RIMS2: variants seen among roughly 807,000 people sequenced by gnomAD.
RIMS2 encodes regulating synaptic membrane exocytosis 2.
A neutral mutation model predicts 174.4 loss-of-function variants in RIMS2; 59 were observed. The observed-to-expected ratio is 0.34, with a 90% CI of 0.27 to 0.42. The LOEUF (loss-of-function observed/expected upper bound fraction) is 0.42. RIMS2 is among the 10% of genes least tolerant of loss of function. RIMS2 has a pLI of 1.00. For missense variants in RIMS2, 1,620 were observed against 1,666.3 expected (o/e 0.97, Z 0.48); for synonymous variants, 606 against 572.5 (o/e 1.06, Z -0.84).
intron 3 of RIMS2, among the ~76,000 whole-genome samples, chr8:103,809,785 T>G (rs1250871004): frequency 6.6e-6 from 1 of 152,106 alleles, no homozygotes. Context: ...TGAGTAGACT[T>G]AGAGGACTGT....
At chr8:103,972,128 T>C (rs949175036) in intron 15 of RIMS2, among the ~76,000 whole-genome samples, 3 of 152,154 alleles carry the variant, frequency 2.0e-5, no homozygotes, top group Admixed American at 6.5e-5. Context: ...ATTCTACTTA[T>C]TTTTTCTTTA....
chr8:103,707,551 A>G (rs1172395097), intron 2 of RIMS2, among the ~76,000 whole-genome samples: 1 of 152,174 alleles, frequency 6.6e-6, no homozygotes, highest in Admixed American at 6.5e-5. Context: ...GACTTGGGGA[A>G]GATAAGGTTC....
intron 2 of RIMS2, among the ~76,000 whole-genome samples, chr8:103,727,664 A>C (rs1446096759): frequency 3.3e-5 from 5 of 152,320 alleles, no homozygotes; most frequent in Non-Finnish European, 7.3e-5. Context: ...ATGGATATGC[A>C]GTTTCCCCAT....
intron 14 of RIMS2, among the ~76,000 whole-genome samples, chr8:103,944,879 G>A (rs1377632598): frequency 6.6e-6 from 1 of 151,720 alleles, no homozygotes; most frequent in African/African-American, 2.4e-5. Context: ...ACAAGAACTA[G>A]GAAATAACAT....
intron 19 of RIMS2, among the ~76,000 whole-genome samples, chr8:104,107,287 G>A (rs1386362333): frequency 6.6e-6 from 1 of 151,968 alleles, no homozygotes; most frequent in Non-Finnish European, 1.5e-5. Flanking sequence ...CTTCCATGAC[G>A]TACCTTCTCT....
intron 19 of RIMS2, among the ~76,000 whole-genome samples, chr8:104,030,114 A>C (rs986590458): frequency 6.6e-6 from 1 of 152,300 alleles, no homozygotes; most frequent in East Asian, 1.9e-4. Context: ...AAAATATGTT[A>C]GTATTCCACT....
intron 19 of RIMS2, among the ~76,000 whole-genome samples, chr8:104,062,610 G>C (rs1232485844): frequency 6.6e-6 from 1 of 151,998 alleles, no homozygotes; most frequent in Admixed American, 6.6e-5. Context: ...AATATATGTA[G>C]CCATGTTTTC....
chr8:103,913,870 C>T (rs1051267183), intron 6 of RIMS2, among the ~76,000 whole-genome samples: 4 of 152,134 alleles, frequency 2.6e-5, no homozygotes, highest in African/African-American at 9.7e-5. Flanking sequence ...AAACACCTCT[C>T]CTCAGGTTCT....
intron 19 of RIMS2, among the ~76,000 whole-genome samples, chr8:104,105,570 TAA>T (rs557395194): frequency 5.4e-5 from 8 of 148,586 alleles, no homozygotes; most frequent in African/African-American, 2.0e-4. Flanking sequence ...CAGTGTTAAT[TAA>T]AAAAAAAAGT....
At chr8:104,047,742 A>T (rs1423642916) in intron 19 of RIMS2, among the ~76,000 whole-genome samples, 2 of 152,160 alleles carry the variant, frequency 1.3e-5, no homozygotes, top group African/African-American at 4.8e-5. Context: ...TGTTATATGC[A>T]TTACAAATAT....
intron 19 of RIMS2, among the ~76,000 whole-genome samples, chr8:104,229,929 G>A (rs2099215201): frequency 6.6e-6 from 1 of 152,300 alleles, no homozygotes; most frequent in African/African-American, 2.4e-5. Context: ...CATCACCAAA[G>A]GTGTCTGCTT....
intron 19 of RIMS2, among the ~76,000 whole-genome samples, chr8:104,026,228 C>T (rs1479640007): frequency 1.3e-5 from 2 of 152,132 alleles, no homozygotes; most frequent in African/African-American, 4.8e-5. Flanking sequence ...CTACATATTT[C>T]AATGCATGTG....
At chr8:104,179,470 T>G (rs902138966) in intron 19 of RIMS2, among the ~76,000 whole-genome samples, 2 of 151,932 alleles carry the variant, frequency 1.3e-5, no homozygotes, top group East Asian at 1.9e-4. Flanking sequence ...CTAATAATAA[T>G]GCACAGGAGA....
chr8:103,812,900 C>A (rs1327489519), intron 3 of RIMS2, among the ~76,000 whole-genome samples: 5 of 152,112 alleles, frequency 3.3e-5, no homozygotes, highest in Non-Finnish European at 7.4e-5. Flanking sequence ...TTTCTTATAG[C>A]CTTTAGATTT....
intron 3 of RIMS2, among the ~76,000 whole-genome samples, chr8:103,824,957 T>A (rs2098778746): frequency 6.6e-6 from 1 of 152,248 alleles, no homozygotes; most frequent in African/African-American, 2.4e-5. Flanking sequence ...TGTAGCTTTA[T>A]GTTGGGTAGT....
chr8:103,738,228 T>C (rs1591395219), intron 2 of RIMS2, among the ~76,000 whole-genome samples: 2 of 152,286 alleles, frequency 1.3e-5, no homozygotes, highest in East Asian at 3.9e-4. Flanking sequence ...AGATCATCAT[T>C]TTATTAAGTT....
chr8:103,507,269 A>T (rs150563308), intron 1 of RIMS2, among the ~76,000 whole-genome samples: 1 of 152,048 alleles, frequency 6.6e-6, no homozygotes, highest in Admixed American at 6.6e-5. Flanking sequence ...ATTATTCTTT[A>T]TAACAATACC....
In RIMS2 at chr8:103,908,873, G is replaced by T. The variant is rs76956802; in HGVS notation, c.1625-1261G>T. 9.9e-3 allele frequency among the ~76,000 whole-genome samples: 1,500 copies of T among 152,218 alleles called. 19 individuals are homozygous for T. Among genetic ancestry groups the T allele is most frequent in the East Asian group, 0.046 (239 of 5,176 alleles). Reference sequence around the variant, plus strand: ...ACCATTTCACTTAAAATCCTTCAGTGTTTGAAATTTAAAATCTTTAATATG... The same window carrying T: ...ACCATTTCACTTAAAATCCTTCAGTTTTTGAAATTTAAAATCTTTAATATG... On this transcript the variant is annotated intron_variant, in intron 4 of 23. Coordinates refer to ENST00000504942, the Ensembl canonical transcript of RIMS2.
chr8:103,650,338 C>T (rs887782710), intron 1 of RIMS2, among the ~76,000 whole-genome samples: 2 of 152,042 alleles, frequency 1.3e-5, no homozygotes, highest in African/African-American at 4.8e-5. Flanking sequence ...TGTTGCTGGC[C>T]CAAATATGCC....
Sources: gnomAD v4.1 joint callset for allele counts (sites outside exome capture counted in the v4.1 genomes callset) on GRCh38, gnomAD v4.1.1 for gene constraint, MANE v1.5 for transcripts, NCBI Gene and HGNC (gene_info 2026-07-23, HGNC 2026-07-21) for gene names.